UHRF2: variants seen among roughly 807,000 people sequenced by gnomAD.
UHRF2 encodes the protein E3 ubiquitin-protein ligase UHRF2.
A neutral mutation model predicts 96.8 loss-of-function variants in UHRF2; 23 were observed. The observed-to-expected ratio is 0.24, with a 90% CI of 0.17 to 0.34. The LOEUF is 0.34. Ranked by LOEUF, UHRF2 falls within the 10% of genes least tolerant of loss-of-function variation. UHRF2 has a pLI of 1.00. For synonymous variants in UHRF2, 385 were observed against 332.6 expected (o/e 1.16, Z -1.72); for missense variants, 685 against 981.5 (o/e 0.70, Z 4.04).
chr9:6,420,828 G>A (rs1240161906), intron 1 of UHRF2, 84 bp from the exon 2 acceptor site: 1 of 1,106,882 alleles, frequency 9.0e-7, no homozygotes, highest in Non-Finnish European at 1.4e-6. Context: ...TGGATTTTAA[G>A]TTTGGCTAGG....
chr9:6,438,051 A>G (rs1820956257), intron 3 of UHRF2, among the ~76,000 whole-genome samples: 1 of 152,248 alleles, frequency 6.6e-6, no homozygotes, highest in South Asian at 2.1e-4. Flanking sequence ...GCATGTTCAG[A>G]GTAGGACTCA....
chr9:6,462,147 T>G (rs2042320116), intron 4 of UHRF2, among the ~76,000 whole-genome samples: 1 of 152,172 alleles, frequency 6.6e-6, no homozygotes, highest in South Asian at 2.1e-4. Context: ...GCTGCCTATT[T>G]TTGTAAATAA....
chr9:6,443,082 A>G (rs1182322798), intron 3 of UHRF2, among the ~76,000 whole-genome samples: 1 of 152,218 alleles, frequency 6.6e-6, no homozygotes, highest in South Asian at 2.1e-4. Context: ...AGTTTGAACA[A>G]GGAAGTGTCT....
intron 3 of UHRF2, among the ~76,000 whole-genome samples, chr9:6,457,640 G>A (rs930613889): frequency 4.6e-5 from 7 of 152,082 alleles, no homozygotes; most frequent in African/African-American, 1.7e-4. Flanking sequence ...ATTGGCTATG[G>A]GTTTGTCATA....
In UHRF2 at chr9:6,485,817, A is replaced by C. The variant is rs1355596718; in HGVS notation, c.1393-1004A>C. 4.1e-5 allele frequency among the ~76,000 whole-genome samples: 6 copies of C among 147,280 alleles called. No homozygotes were observed. In the East Asian group the frequency reaches 7.7e-4, roughly 19 times the overall value. The stretch of plus-strand genomic sequence containing the variant: ...CTGTCTCTACCCAAAAAAAAAAAAA[A>C]AAAAAAAAAAACAAAACCCAAAACC... On this transcript the variant is annotated intron_variant, in intron 8 of 15. Coordinates refer to ENST00000276893, the MANE Select transcript of UHRF2 (RefSeq NM_152896.3).
At chr9:6,416,248 G>C (rs888781508) in intron 1 of UHRF2, among the ~76,000 whole-genome samples, 12 of 152,032 alleles carry the variant, frequency 7.9e-5, no homozygotes, top group African/African-American at 2.9e-4. Flanking sequence ...TATTTTAGTA[G>C]AGACGAGGTT....
At chr9:6,429,203 C>T (rs1016037995) in intron 2 of UHRF2, among the ~76,000 whole-genome samples, 1 of 151,558 alleles carries the variant, frequency 6.6e-6, no homozygotes, top group Non-Finnish European at 1.5e-5. Context: ...AATGAGAGAA[C>T]AATTTTCAGA....
Position 6,433,041 on chromosome 9 carries a change from A to G in UHRF2, c.385-873A>G, listed in dbSNP as rs188708862. Among the ~76,000 whole-genome samples the G allele has an allele frequency of 6.9e-3, 1,051 of 152,070 alleles. 8 individuals are homozygous for G. Among genetic ancestry groups the G allele is most frequent in the Non-Finnish European group, 0.011 (769 of 67,992 alleles). On this transcript the variant is annotated intron_variant, in intron 2 of 15. Transcript: ENST00000276893. ...TTTTTAGTAGAGACGGGGTTTCACT[A>G]TGTTGGCCAGGCTGGTCTTGACCTC...
chr9:6,482,451 C>A (rs766534211), intron 8 of UHRF2, among the ~76,000 whole-genome samples: 1 of 152,176 alleles, frequency 6.6e-6, no homozygotes, highest in Non-Finnish European at 1.5e-5. Context: ...GAACTCTAAG[C>A]TTGTTTCAGG....
intron 3 of UHRF2, among the ~76,000 whole-genome samples, chr9:6,459,724 A>C (rs1299390758): frequency 2.0e-5 from 3 of 152,226 alleles, no homozygotes; most frequent in Non-Finnish European, 4.4e-5. Context: ...CGGTAGTCCC[A>C]GTACTTTGGG....
intron 4 of UHRF2, among the ~76,000 whole-genome samples, chr9:6,471,982 T>A (rs1276746533): frequency 6.6e-6 from 1 of 152,234 alleles, no homozygotes; most frequent in Non-Finnish European, 1.5e-5. Context: ...TAAAATTGTT[T>A]TTGAGGTATA....
chr9:6,481,284 T>C (rs1364759344), intron 6 of UHRF2, among the ~76,000 whole-genome samples: 2 of 152,184 alleles, frequency 1.3e-5, no homozygotes, highest in South Asian at 2.1e-4. Flanking sequence ...TGTTACACAG[T>C]TGAATGTTCT....
At chr9:6,442,875 T>A (rs147370407) in intron 3 of UHRF2, among the ~76,000 whole-genome samples, 18 of 152,286 alleles carry the variant, frequency 1.2e-4, no homozygotes, top group African/African-American at 3.4e-4. Context: ...TTTATCCTCT[T>A]AAAACCAAGG....
At chr9:6,467,595 G>GTTTTTTTT (rs34366483) in intron 4 of UHRF2, among the ~76,000 whole-genome samples, 2 of 99,168 alleles carry the variant, frequency 2.0e-5, no homozygotes, top group African/African-American at 4.2e-5. Context: ...CGAGAGAATA[G>GTTTTTTTT]TTTTTTTTTT....
At chr9:6,446,701 T>C (rs559741763) in intron 3 of UHRF2, among the ~76,000 whole-genome samples, 2 of 151,762 alleles carry the variant, frequency 1.3e-5, no homozygotes, top group African/African-American at 4.8e-5. Context: ...GAAAATTTGC[T>C]TGGTGTGGTG....
At chr9:6,425,491 A>G (rs1486356247) in intron 2 of UHRF2, among the ~76,000 whole-genome samples, 1 of 152,136 alleles carries the variant, frequency 6.6e-6, no homozygotes, top group African/African-American at 2.4e-5. Context: ...GCAGTGGCTC[A>G]TGCCTGTAAT....
At chr9:6,488,662 C>T (rs1042523042) in intron 9 of UHRF2, among the ~76,000 whole-genome samples, 6 of 148,742 alleles carry the variant, frequency 4.0e-5, no homozygotes, top group Non-Finnish European at 5.9e-5. Flanking sequence ...TACAGGCGGC[C>T]GGTTAATTTT....
chr9:6,422,332 G>A (rs368935401), intron 2 of UHRF2, among the ~76,000 whole-genome samples: 3 of 151,876 alleles, frequency 2.0e-5, no homozygotes, highest in South Asian at 4.2e-4. Context: ...TGCCCTCCTC[G>A]GTCTCCCAAA....
In UHRF2 at chr9:6,488,057, G is replaced by A. The variant is rs117385644; in HGVS notation, c.1497+1132G>A. Among the ~76,000 whole-genome samples the A allele has an allele frequency of 3.7e-3, 557 of 151,300 alleles. 4 individuals are homozygous for A. Among genetic ancestry groups the A allele is most frequent in the South Asian group, 5.2e-3 (25 of 4,776 alleles). ...GGAGTTCAAGACCAGCCTGGGCAACGTGGCAAAGCCCTGTCCCTACCAAAA... is the reference window on the plus strand; with the variant it reads ...GGAGTTCAAGACCAGCCTGGGCAACATGGCAAAGCCCTGTCCCTACCAAAA... On this transcript the variant is annotated intron_variant, in intron 9 of 15. Transcript: ENST00000276893.
Sources: allele counts gnomAD v4.1 joint callset (sites outside exome capture counted in the v4.1 genomes callset), GRCh38; gene constraint gnomAD v4.1.1; transcripts MANE v1.5; gene names NCBI Gene and HGNC (gene_info 2026-07-23, HGNC 2026-07-21).